SPOCK1: variants seen among roughly 807,000 people sequenced by gnomAD.
The protein encoded by SPOCK1 is testican-1.
Under a neutral mutation model 55.3 loss-of-function variants are expected in SPOCK1, and 23 were observed. That is an observed-to-expected ratio of 0.42 (90% confidence interval 0.30 to 0.59). SPOCK1 has a LOEUF of 0.59. Among genes scored for constraint, SPOCK1 ranks in the 20% least tolerant of loss-of-function variants. The pLI, the probability that SPOCK1 is intolerant of heterozygous loss-of-function variation, is 0.22. For missense variants in SPOCK1, 499 were observed against 552.5 expected, an observed-to-expected ratio of 0.90 and a Z score of 0.97; for synonymous variants, 226 against 221.0, an observed-to-expected ratio of 1.02 and a Z score of -0.20.
chr5:137,100,760 T>C (rs1753245613), intron 5 of SPOCK1, among the ~76,000 whole-genome samples: 1 of 152,104 alleles, frequency 6.6e-6, no homozygotes, highest in Non-Finnish European at 1.5e-5. Flanking sequence ...TCTGAGCACC[T>C]TCCTGGACAG....
intron 6 of SPOCK1, among the ~76,000 whole-genome samples, chr5:137,036,690 G>A (rs1751891623): frequency 1.3e-5 from 2 of 152,232 alleles, no homozygotes; most frequent in Admixed American, 1.3e-4. Flanking sequence ...TTACAGGACG[G>A]TAAGGCCGGA....
rs551545875 is a variant in SPOCK1, at chr5:137,283,961, G to A, written c.187-16906C>T. Among the ~76,000 whole-genome samples the A allele has an allele frequency of 2.5e-3, 379 of 152,312 alleles. 5 individuals are homozygous for A. The highest frequency in any genetic ancestry group is 8.9e-3 in the African/African-American group (371 of 41,556). On this transcript the variant is annotated intron_variant, in intron 2 of 10. Transcript: ENST00000394945. Reference sequence around the variant, plus strand: ...AACCAAGAAACTGTAACTTGAGCCTGTGTTCACCTACAACAGGAAGCAAAT... The same window carrying A: ...AACCAAGAAACTGTAACTTGAGCCTATGTTCACCTACAACAGGAAGCAAAT...
At chr5:137,162,967 C>T (rs1754588269) in intron 3 of SPOCK1, among the ~76,000 whole-genome samples, 1 of 152,132 alleles carries the variant, frequency 6.6e-6, no homozygotes, top group Non-Finnish European at 1.5e-5. Context: ...AATGGAGAAG[C>T]AGAAAGGGAA....
intron 2 of SPOCK1, among the ~76,000 whole-genome samples, chr5:137,302,131 C>T (rs753069317): frequency 6.6e-6 from 1 of 151,978 alleles, no homozygotes; most frequent in African/African-American, 2.4e-5. Flanking sequence ...TCCACAGAAA[C>T]GAGACGTTTT....
chr5:137,042,412 A>G (rs1279331838), intron 6 of SPOCK1, among the ~76,000 whole-genome samples: 2 of 152,196 alleles, frequency 1.3e-5, no homozygotes, highest in Non-Finnish European at 2.9e-5. Context: ...ATTAGTGAGA[A>G]CCTACAGAAC....
intron 3 of SPOCK1, among the ~76,000 whole-genome samples, chr5:137,256,107 G>A (rs1756625150): frequency 6.6e-6 from 1 of 152,108 alleles, no homozygotes; most frequent in East Asian, 1.9e-4. Flanking sequence ...TTTGTTCTTT[G>A]GGAAGTGGCA....
chr5:137,264,015 A>G (rs1042943472), intron 3 of SPOCK1, among the ~76,000 whole-genome samples: 1 of 152,126 alleles, frequency 6.6e-6, no homozygotes, highest in African/African-American at 2.4e-5. Context: ...ATTACAGCTA[A>G]GTAACTATTT....
chr5:137,328,561 A>C (rs559022846), intron 2 of SPOCK1, among the ~76,000 whole-genome samples: 1 of 152,200 alleles, frequency 6.6e-6, no homozygotes, highest in Non-Finnish European at 1.5e-5. Flanking sequence ...GACGCTAGTC[A>C]CTGCTCTCCT....
intron 2 of SPOCK1, among the ~76,000 whole-genome samples, chr5:137,492,664 C>A (rs4976451): frequency 0.16 from 24,979 of 152,174 alleles, 2,038 homozygotes; most frequent in East Asian, 0.21. Context: ...TCTGAGATTG[C>A]TTTAAGTTAA....
At chr5:137,014,125 T>C (rs1161377706) in intron 6 of SPOCK1, among the ~76,000 whole-genome samples, 1 of 152,168 alleles carries the variant, frequency 6.6e-6, no homozygotes, top group African/African-American at 2.4e-5. Flanking sequence ...TTGCAAGATC[T>C]GGTCATTTAA....
chr5:137,119,382 T>C (rs937292834), intron 4 of SPOCK1, among the ~76,000 whole-genome samples: 1 of 152,236 alleles, frequency 6.6e-6, no homozygotes, highest in African/African-American at 2.4e-5. Flanking sequence ...ATTGAAATAA[T>C]CTGTCATGTA....
intron 2 of SPOCK1, among the ~76,000 whole-genome samples, chr5:137,351,485 A>G (rs146482913): frequency 6.6e-6 from 1 of 152,286 alleles, no homozygotes; most frequent in African/African-American, 2.4e-5. Flanking sequence ...TCCTCCTGAC[A>G]AGGAGGGGAA....
chr5:137,116,771 C>CA (rs1459819587), intron 4 of SPOCK1, among the ~76,000 whole-genome samples: 2 of 152,204 alleles, frequency 1.3e-5, no homozygotes, highest in Non-Finnish European at 2.9e-5. Flanking sequence ...CCCCAACACA[C>CA]ACATGCACAC....
At chr5:137,129,566 C>T (rs769207649) in intron 4 of SPOCK1, among the ~76,000 whole-genome samples, 57 of 152,136 alleles carry the variant, frequency 3.7e-4, no homozygotes, top group South Asian at 1.2e-3. Context: ...AATCATAGGG[C>T]TGTGAAAAAG....
chr5:137,041,356 T>C (rs1355588375), intron 6 of SPOCK1, among the ~76,000 whole-genome samples: 1 of 152,150 alleles, frequency 6.6e-6, no homozygotes, highest in Admixed American at 6.5e-5. Flanking sequence ...TAACTGTAAA[T>C]TACTAAACTA....
In SPOCK1 at chr5:137,468,783, G is replaced by T. The variant is rs146743685; in HGVS notation, c.186+29590C>A. 3.5e-3 allele frequency among the ~76,000 whole-genome samples: 534 copies of T among 152,260 alleles called. 7 individuals are homozygous for T. The highest frequency in any genetic ancestry group is 0.01 in the Middle Eastern group (3 of 294). On this transcript the variant is annotated intron_variant, in intron 2 of 10. Coordinates refer to ENST00000394945, the MANE Select transcript of SPOCK1 (RefSeq NM_004598.4). ...GGAATTCCCAAAGTAAAAGCCACAG[G>T]GAGAACGAAGCAGGCATGATCACAG...
In SPOCK1 at chr5:136,988,525, A is replaced by T; in HGVS notation, c.825T>A (p.Asp275Glu). Residue 275 changes from aspartate to glutamate, a missense_variant, in exon 8 of 11, where the codon GAT (aspartate) becomes GAA (glutamate). Transcript: ENST00000394945. ...DPSEINAIYL[D>E]KYEPCIKPLF... is the part of the protein sequence containing the mutation. ...GAGGCTTGATACAGGGCTCGTACTTATCCAGGTAGATGGCATTGATCTCTG... is the reference window on the plus strand; with the variant it reads ...GAGGCTTGATACAGGGCTCGTACTTTTCCAGGTAGATGGCATTGATCTCTG... The T allele has an allele frequency of 2.5e-6, 4 of 1,614,150 alleles. No individual in the cohort carries two copies. The highest frequency in any genetic ancestry group is 2.5e-6 in the Non-Finnish European group (3 of 1,180,008).
chr5:137,172,664 G>C (rs923512043), intron 3 of SPOCK1, among the ~76,000 whole-genome samples: 3 of 152,160 alleles, frequency 2.0e-5, no homozygotes, highest in African/African-American at 7.2e-5. Flanking sequence ...TGAGGCCAAG[G>C]TGCTGTTTCT....
chr5:136,983,016 C>T (rs78350167), intron 9 of SPOCK1, among the ~76,000 whole-genome samples: 188 of 152,226 alleles, frequency 1.2e-3, no homozygotes, highest in African/African-American at 4.4e-3. Flanking sequence ...TTTTGGTTTT[C>T]CTTACAGGGT....
Sources: gnomAD v4.1 joint callset for allele counts (sites outside exome capture counted in the v4.1 genomes callset) on GRCh38, gnomAD v4.1.1 for gene constraint, MANE v1.5 for transcripts, NCBI Gene and HGNC (gene_info 2026-07-23, HGNC 2026-07-21) for gene names.